Variants in CHRM3 observed in about 807,000 individuals in gnomAD.
The protein encoded by CHRM3 is muscarinic acetylcholine receptor M3.
In CHRM3, 11 loss-of-function variants were observed where a neutral mutation model predicts 41.8. The ratio of observed to expected loss-of-function variants is 0.26; its 90% CI spans 0.17 to 0.44. The LOEUF is 0.44. Ranked by LOEUF, CHRM3 falls within the 20% of genes least tolerant of loss-of-function variation. The pLI, the probability that CHRM3 is intolerant of heterozygous loss-of-function variation, is 1.00. For missense variants in CHRM3, 571 were observed against 745.4 expected (o/e 0.77, Z 2.72); for synonymous variants, 297 against 301.4 (o/e 0.99, Z 0.15).
At chr1:239,891,505 G>A (rs73114827) in intron 6 of CHRM3, among the ~76,000 whole-genome samples, 2,738 of 152,194 alleles carry the variant, frequency 0.018, 84 homozygotes, top group African/African-American at 0.059. Context: ...ATAACTTCCC[G>A]TCAGAAGCAG....
intron 6 of CHRM3, among the ~76,000 whole-genome samples, chr1:239,831,426 AAC>A (rs961542834): frequency 6.6e-6 from 1 of 152,170 alleles, no homozygotes; most frequent in Non-Finnish European, 1.5e-5. Context: ...CGATTAAGGC[AAC>A]ACAGTGTCAC....
chr1:239,604,812 G>A (rs185214608), intron 3 of CHRM3, among the ~76,000 whole-genome samples: 39 of 152,306 alleles, frequency 2.6e-4, no homozygotes, highest in African/African-American at 7.9e-4. Flanking sequence ...GGAAAGAAGC[G>A]TGCTAACTGA....
At chr1:239,845,880 G>C (rs888695668) in intron 6 of CHRM3, among the ~76,000 whole-genome samples, 3 of 152,094 alleles carry the variant, frequency 2.0e-5, no homozygotes, top group East Asian at 1.9e-4. Context: ...TTTTTCCAAA[G>C]TATCACTCTT....
intron 4 of CHRM3, among the ~76,000 whole-genome samples, chr1:239,638,018 T>C (rs1443062044): frequency 6.7e-6 from 1 of 149,762 alleles, no homozygotes; most frequent in Non-Finnish European, 1.5e-5. Flanking sequence ...CAGTGTTTGG[T>C]TTTTTGTTCT....
intron 1 of CHRM3, among the ~76,000 whole-genome samples, chr1:239,452,753 CAT>C (rs1156334874): frequency 6.6e-6 from 1 of 152,102 alleles, no homozygotes; most frequent in African/African-American, 2.4e-5. Flanking sequence ...AAAGATAAAA[CAT>C]ACTCTTTCTG....
intron 3 of CHRM3, among the ~76,000 whole-genome samples, chr1:239,614,937 A>T (rs1406327358): frequency 1.3e-5 from 2 of 152,198 alleles, no homozygotes; most frequent in African/African-American, 4.8e-5. Context: ...GTTTCAAAGT[A>T]ATGCTTATTT....
At chr1:239,696,544 G>A (rs1660209258) in intron 5 of CHRM3, among the ~76,000 whole-genome samples, 1 of 152,026 alleles carries the variant, frequency 6.6e-6, no homozygotes, top group Non-Finnish European at 1.5e-5. Context: ...CCACTTCCCA[G>A]GGCCAAAGTA....
intron 4 of CHRM3, among the ~76,000 whole-genome samples, chr1:239,647,775 G>T (rs541621954): frequency 2.6e-4 from 40 of 152,200 alleles, no homozygotes; most frequent in African/African-American, 9.4e-4. Flanking sequence ...ATGTCATACA[G>T]GTGCAATTCA....
At chr1:239,870,615 C>G (rs1676494577) in intron 6 of CHRM3, among the ~76,000 whole-genome samples, 1 of 152,138 alleles carries the variant, frequency 6.6e-6, no homozygotes, top group South Asian at 2.1e-4. Context: ...AAAACTTCAC[C>G]TGGTGTTCTG....
intron 3 of CHRM3, among the ~76,000 whole-genome samples, chr1:239,593,468 G>A (rs1192401592): frequency 9.6e-6 from 1 of 104,016 alleles, no homozygotes; most frequent in Non-Finnish European, 2.1e-5. Context: ...TCTTACGTTA[G>A]ACCATTTCTT....
At position 239,907,460 on chromosome 1, in the gene CHRM3, G is replaced by A. The variant is rs142160521; in HGVS notation, c.9G>A (p.Leu3=). The change falls in exon 7 of 7, where the codon TTG becomes TTA. Residue 3 remains leucine, a synonymous_variant. Coordinates refer to ENST00000676153, the MANE Select transcript of CHRM3 (RefSeq NM_001375978.1). This position sits in a 1 kb window ranked among gnomAD's most constrained non-coding sequence, Gnocchi z 5.4. ...TATGTCAGAGAGTCACAATGACCTT[G>A]CACAATAACAGTACAACCTCGCCTT... is the stretch of plus-strand genomic sequence containing the variant. MT[L]HNNSTTSPLF... The A allele has an allele frequency of 5.3e-5, 86 of 1,612,992 alleles. No homozygotes were observed. In the African/African-American group the frequency reaches 9.6e-4, roughly 18 times the overall value.
intron 4 of CHRM3, among the ~76,000 whole-genome samples, chr1:239,642,816 C>G (rs541920727): frequency 6.6e-6 from 1 of 152,220 alleles, no homozygotes. Flanking sequence ...TGAGGAGCTG[C>G]GTTCCTTTGG....
intron 5 of CHRM3, among the ~76,000 whole-genome samples, chr1:239,708,308 C>CT (rs1661386447): frequency 6.6e-6 from 1 of 152,144 alleles, no homozygotes. Context: ...TTCACAAATT[C>CT]TCACTGTTTA....
intron 4 of CHRM3, among the ~76,000 whole-genome samples, chr1:239,648,528 G>A (rs1671941937): frequency 1.3e-5 from 2 of 152,202 alleles, no homozygotes; most frequent in Non-Finnish European, 1.5e-5. Flanking sequence ...ATGGCTGTCA[G>A]TGGAGGTGAG....
chr1:239,813,894 GC>G (rs1459088107), intron 5 of CHRM3, among the ~76,000 whole-genome samples: 1 of 114,498 alleles, frequency 8.7e-6, no homozygotes, highest in East Asian at 2.3e-4. Context: ...TCCAGCCTGG[GC>G]GACAGAGCGA....
At chr1:239,512,068 A>C (rs1482906840) in intron 2 of CHRM3, among the ~76,000 whole-genome samples, 1 of 152,174 alleles carries the variant, frequency 6.6e-6, no homozygotes, top group African/African-American at 2.4e-5. Context: ...ACCAGATGGA[A>C]GGCAACAGCC....
intron 3 of CHRM3, among the ~76,000 whole-genome samples, chr1:239,624,976 G>A (rs532603021): frequency 6.9e-5 from 3 of 43,674 alleles, no homozygotes; most frequent in African/African-American, 1.2e-4. Flanking sequence ...TTGACTTGGC[G>A]ATGCGGGCTC....
chr1:239,763,114 T>G (rs75137753), intron 5 of CHRM3, among the ~76,000 whole-genome samples: 2,270 of 152,262 alleles, frequency 0.015, 62 homozygotes, highest in African/African-American at 0.053. Context: ...TCCCTTTTGC[T>G]TTTTTTGTTT....
rs1037385751 is a variant in CHRM3, at chr1:239,644,638, G to T, written c.-250+12352G>T. Among the ~76,000 whole-genome samples, 21 of 152,262 alleles carry T rather than the reference G, an allele frequency of 1.4e-4. 1 individual carries two copies. Among genetic ancestry groups the T allele is most frequent in the African/African-American group, 5.1e-4 (21 of 41,550 alleles). ...TCTTATCAGCCTGTCCCTTGGAGAG[G>T]GTTGTGATGAGAGAGATGAGAAGAA... On this transcript the variant is annotated intron_variant, in intron 4 of 6. Transcript: ENST00000676153.
Sources: gnomAD v4.1 joint callset for allele counts (sites outside exome capture counted in the v4.1 genomes callset) on GRCh38, gnomAD v4.1.1 for gene constraint, Gnocchi (gnomAD v3.1) non-coding constraint, MANE v1.5 for transcripts, NCBI Gene and HGNC (gene_info 2026-07-23, HGNC 2026-07-21) for gene names.